ADAMTS6: variants seen among roughly 807,000 people sequenced by gnomAD.
ADAMTS6 encodes the protein ADAM metallopeptidase with thrombospondin type 1 motif 6.
In ADAMTS6, 23 loss-of-function variants were observed where a neutral mutation model predicts 144.3. The observed-to-expected ratio is 0.16, with a 90% confidence interval of 0.11 to 0.23. The LOEUF is 0.23. Ranked by LOEUF, ADAMTS6 falls within the 10% of genes least tolerant of loss-of-function variation. The pLI, the probability that ADAMTS6 is intolerant of heterozygous loss-of-function variation, is 1.00. For synonymous variants in ADAMTS6, 444 were observed against 457.5 expected, an observed-to-expected ratio of 0.97 and a Z score of 0.38; for missense variants, 999 against 1,379.6, an observed-to-expected ratio of 0.72 and a Z score of 4.37.
At chr5:65,185,005 G>C (rs1342939198) in intron 22 of ADAMTS6, among the ~76,000 whole-genome samples, 2 of 152,158 alleles carry the variant, frequency 1.3e-5, no homozygotes, top group African/African-American at 4.8e-5. Flanking sequence ...TTGGAAGTGG[G>C]GAGGGGGCAG....
In ADAMTS6 at chr5:65,170,789, C is replaced by T. The variant is rs145437081; in HGVS notation, c.3088-16G>A. 5 of 1,599,618 alleles carry T rather than the reference C, an allele frequency of 3.1e-6. No homozygotes were observed. The highest frequency in any genetic ancestry group is 4.5e-5 in the East Asian group (2 of 44,574). ...GAGCAGAACACTAAATCCAAAGACA[C>T]AAAGAAACAAAATATTAATCTCAAC... On this transcript the variant is annotated splice_polypyrimidine_tract_variant and intron_variant, in intron 23 of 24. Transcript: ENST00000381055.
At position 65,309,610 on chromosome 5, in the gene ADAMTS6, A is replaced by G. The variant is rs564497317; in HGVS notation, c.1224-9479T>C. ...TTATAATACACACACACACACACAC[A>G]CACACACAGAATATTTTAAAAGAAA... On this transcript the variant is annotated intron_variant, in intron 9 of 24. Coordinates refer to ENST00000381055, the MANE Select transcript of ADAMTS6 (RefSeq NM_197941.4). 7.2e-5 allele frequency among the ~76,000 whole-genome samples: 11 copies of G among 152,122 alleles called. No homozygotes were observed. In the East Asian group the frequency reaches 1.5e-3, roughly 21 times the overall value.
chr5:65,299,428 ATTC>A, intron 10 of ADAMTS6, among the ~76,000 whole-genome samples: 1 of 152,196 alleles, frequency 6.6e-6, no homozygotes, highest in East Asian at 1.9e-4. Flanking sequence ...GCTAATTTGT[ATTC>A]TTCACATTTA....
intron 9 of ADAMTS6, among the ~76,000 whole-genome samples, chr5:65,325,285 G>A (rs184616106): frequency 3.9e-5 from 6 of 152,218 alleles, no homozygotes; most frequent in Admixed American, 1.3e-4. Context: ...CATTTTTAAT[G>A]TATGTAAATT....
At chr5:65,392,770 C>T (rs1753028012) in intron 7 of ADAMTS6, among the ~76,000 whole-genome samples, 1 of 152,148 alleles carries the variant, frequency 6.6e-6, no homozygotes, top group African/African-American at 2.4e-5. Flanking sequence ...CATTATAAAA[C>T]TGCCTGGTGA....
At chr5:65,474,847 C>A (rs1760737859) in intron 1 of ADAMTS6, among the ~76,000 whole-genome samples, 1 of 149,854 alleles carries the variant, frequency 6.7e-6, no homozygotes, top group South Asian at 2.1e-4. Context: ...GTTTTAGAAC[C>A]CCAAAGTAAT....
At chr5:65,296,729 A>G (rs1051042093) in intron 10 of ADAMTS6, among the ~76,000 whole-genome samples, 2 of 152,314 alleles carry the variant, frequency 1.3e-5, no homozygotes, top group Middle Eastern at 3.4e-3. Context: ...CTCCGACTGT[A>G]ACATTGCTTC....
intron 11 of ADAMTS6, among the ~76,000 whole-genome samples, chr5:65,288,318 C>T (rs1361829026): frequency 5.9e-5 from 8 of 136,162 alleles, no homozygotes; most frequent in Admixed American, 7.3e-5. Context: ...CTTTTCTTTT[C>T]TTTTTTTTTT....
intron 18 of ADAMTS6, among the ~76,000 whole-genome samples, chr5:65,222,967 A>G (rs1757436153): frequency 6.6e-6 from 1 of 152,008 alleles, no homozygotes; most frequent in Non-Finnish European, 1.5e-5. Flanking sequence ...TATCCAGAAT[A>G]TATAAAGAAC....
intron 7 of ADAMTS6, among the ~76,000 whole-genome samples, chr5:65,336,197 A>T (rs1343305875): frequency 6.6e-6 from 1 of 152,100 alleles, no homozygotes; most frequent in Non-Finnish European, 1.5e-5. Context: ...TGGAAGGATA[A>T]CAGTGGGTAT....
chr5:65,454,340 A>T (rs894646087), intron 4 of ADAMTS6, among the ~76,000 whole-genome samples: 1 of 152,236 alleles, frequency 6.6e-6, no homozygotes, highest in Non-Finnish European at 1.5e-5. Context: ...GGAAATGATC[A>T]TGAGACCCAT....
chr5:65,317,513 G>A (rs1215915615), intron 9 of ADAMTS6, among the ~76,000 whole-genome samples: 1 of 152,142 alleles, frequency 6.6e-6, no homozygotes, highest in African/African-American at 2.4e-5. Context: ...AATTTACTGA[G>A]TAATATCCCA....
At chr5:65,367,380 T>C (rs2150113097) in intron 7 of ADAMTS6, among the ~76,000 whole-genome samples, 1 of 152,286 alleles carries the variant, frequency 6.6e-6, no homozygotes, top group East Asian at 1.9e-4. Context: ...GCACTTACCA[T>C]GGGTAATATT....
chr5:65,241,933 A>G (rs566452680), intron 15 of ADAMTS6, among the ~76,000 whole-genome samples, 171 bp downstream of exon 15: 38 of 152,324 alleles, frequency 2.5e-4, no homozygotes, highest in South Asian at 6.2e-4. Flanking sequence ...ATTACAGGGC[A>G]AATAAACCAT....
At chr5:65,381,774 A>T (rs891344110) in intron 7 of ADAMTS6, among the ~76,000 whole-genome samples, 1 of 152,172 alleles carries the variant, frequency 6.6e-6, no homozygotes, top group Admixed American at 6.5e-5. Context: ...TTCTTCATAG[A>T]GTTTAAAAAA....
intron 9 of ADAMTS6, among the ~76,000 whole-genome samples, chr5:65,307,157 T>C (rs568870012): frequency 6.6e-6 from 1 of 152,220 alleles, no homozygotes; most frequent in Non-Finnish European, 1.5e-5. Context: ...CACATTTAAG[T>C]ATTGCTGGAT....
chr5:65,345,038 G>C (rs546845258), intron 7 of ADAMTS6, among the ~76,000 whole-genome samples: 4 of 151,684 alleles, frequency 2.6e-5, no homozygotes, highest in Admixed American at 2.6e-4. Flanking sequence ...TTCTACACTA[G>C]ACTCAAATTC....
intron 7 of ADAMTS6, among the ~76,000 whole-genome samples, chr5:65,338,014 A>C (rs748855292): frequency 1.3e-5 from 2 of 152,208 alleles, no homozygotes; most frequent in Non-Finnish European, 2.9e-5. Flanking sequence ...ACCAACCCAC[A>C]GGTGGCAGAA....
At chr5:65,346,852 C>T (rs1580454299) in intron 7 of ADAMTS6, among the ~76,000 whole-genome samples, 1 of 150,504 alleles carries the variant, frequency 6.6e-6, no homozygotes, top group African/African-American at 2.4e-5. Flanking sequence ...TCGGTAAATA[C>T]GGAATACAAA....
Sources: gnomAD v4.1 joint callset for allele counts (sites outside exome capture counted in the v4.1 genomes callset) on GRCh38, gnomAD v4.1.1 for gene constraint, MANE v1.5 for transcripts, NCBI Gene and HGNC (gene_info 2026-07-23, HGNC 2026-07-21) for gene names.